The following POLE variants were observed in gnomAD, a reference collection of about 807,000 sequenced individuals.
POLE encodes DNA polymerase epsilon, catalytic subunit, also known as DNA polymerase epsilon catalytic subunit A.
In POLE, 188 loss-of-function variants were observed where a neutral mutation model predicts 279.2. The observed-to-expected ratio is 0.67, with a 90% CI of 0.60 to 0.76. POLE has a LOEUF of 0.76. Ranked by LOEUF, POLE falls within the 30% of genes least tolerant of loss-of-function variation. POLE has a pLI of 0.00. For missense variants in POLE, 2,703 were observed against 3,016.7 expected, an observed-to-expected ratio of 0.90 and a Z score of 2.44; for synonymous variants, 1,214 against 1,172.5, an observed-to-expected ratio of 1.04 and a Z score of -0.72.
chr12:132,638,538 A>T (rs1158266332), intron 40 of POLE: 1 of 168,794 alleles, frequency 5.9e-6, no homozygotes. Context: ...TTATCCCAGC[A>T]GTTGGGTAAT....
At chr12:132,645,902 C>T (rs1372249845) in intron 32 of POLE, among the ~76,000 whole-genome samples, 1 of 152,042 alleles carries the variant, frequency 6.6e-6, no homozygotes, top group Non-Finnish European at 1.5e-5. Flanking sequence ...TATATATTTC[C>T]TGGCTGTTCA....
intron 15 of POLE, 88 bp from the exon 16 acceptor site, chr12:132,672,410 G>C (rs752526737): frequency 1.6e-6 from 2 of 1,224,482 alleles, no homozygotes; most frequent in Non-Finnish European, 2.4e-6. Context: ...GCACGTGGCA[G>C]GTTGTGCCCG....
chr12:132,636,067 C>T (rs1404422747), intron 41 of POLE, 43 bp from the exon 42 acceptor site: 1 of 1,588,988 alleles, frequency 6.3e-7, no homozygotes, highest in South Asian at 1.1e-5. Flanking sequence ...TGAAATCGAC[C>T]TTGTTCTCAA....
intron 14 of POLE, 134 bp from the exon 15 acceptor site, chr12:132,672,973 C>A: frequency 1.2e-6 from 1 of 861,522 alleles, no homozygotes; most frequent in South Asian, 1.6e-5. Context: ...CAAATTCTGC[C>A]TCCTGTGGTT....
chr12:132,625,923 A>G, intron 46 of POLE, 153 bp from the exon 47 acceptor site: 1 of 1,169,956 alleles, frequency 8.5e-7, no homozygotes, highest in Non-Finnish European at 1.2e-6. Context: ...TCCCACCTGC[A>G]CTTGAGCCCT....
In POLE at chr12:132,657,362, G is replaced by C. The variant is rs778212434; in HGVS notation, c.3446C>G (p.Ala1149Gly). ...CCCCGCCCTTACCTGCTGCAGGGCC[G>C]CAGGGATGGTGATGATCTTCTGGAT... Reference protein sequence around the residue: ...SAIQKIITIPAALQQVKNPVP... With the variant: ...SAIQKIITIPGALQQVKNPVP... Residue 1149 changes from alanine (A) to glycine (G), a missense_variant, in exon 28 of 49, where the codon GCG (alanine) becomes GGG (glycine). Ala to Gly is a moderately conservative substitution (Grantham distance 60). Around this residue, in one of 5 missense-constraint regions of POLE, gnomAD observed 1,551 missense variants for 1,686.1 expected, o/e 0.92. Coordinates refer to ENST00000320574, the MANE Select transcript of POLE (RefSeq NM_006231.4). The C allele has an allele frequency of 1.9e-6, 3 of 1,613,902 alleles. No homozygotes were observed. The highest frequency in any genetic ancestry group is 2.5e-6 in the Non-Finnish European group (3 of 1,179,982).
chr12:132,624,433 GC>G lies in POLE; in HGVS notation c.*263del. 1 of 551,658 alleles carries G rather than the reference GC, an allele frequency of 1.8e-6. No homozygotes were observed. The allele number at this position is 551,658 out of a possible 1,614,324, so 34.2% of individuals were successfully genotyped here. A position where few individuals can be genotyped will look rare whatever the true frequency, so the allele number is the denominator to read the frequency against. On this transcript the variant is annotated 3_prime_UTR_variant, in exon 49 of 49. Transcript: ENST00000320574. ...AAGCATTCACTGCGTGAGAAACGGC[GC>G]CCAGGGCACTCGCAGCCTCGCTCAC...
At chr12:132,633,068 G>A (rs1020902364) in intron 43 of POLE, 3 of 293,146 alleles carry the variant, frequency 1.0e-5, no homozygotes, top group Non-Finnish European at 1.9e-5. Context: ...TGGGTAGCGC[G>A]TGAAAGACAG....
At position 132,665,290 on chromosome 12, in the gene POLE, G is replaced by C. The variant is rs776938447; in HGVS notation, c.2468+12C>G. On this transcript the variant is annotated intron_variant, in intron 21 of 48. Coordinates refer to ENST00000320574, the MANE Select transcript of POLE (RefSeq NM_006231.4). ...CCTCCCATAAGCCTCTCCCGGGCCC[G>C]GGCCCACCTACCCCTTGCGCATGAC... The C allele has an allele frequency of 2.5e-6, 4 of 1,609,642 alleles. No individual in the cohort carries two copies. The highest frequency in any genetic ancestry group is 2.5e-6 in the Non-Finnish European group (3 of 1,176,926).
intron 2 of POLE, 69 bp from the exon 3 acceptor site, chr12:132,680,756 C>A: frequency 7.9e-7 from 1 of 1,272,042 alleles, no homozygotes; most frequent in Non-Finnish European, 1.1e-6. Flanking sequence ...TTCCTCCTAC[C>A]TTTCGGGAAA....
At position 132,676,162 on chromosome 12, in the gene POLE, C is replaced by T. The variant is rs775365628; in HGVS notation, c.952G>A (p.Glu318Lys). 1.2e-6 allele frequency: 2 copies of T among 1,613,210 alleles called. No homozygotes were observed. The highest frequency in any genetic ancestry group is 2.2e-5 in the South Asian group (2 of 90,884). ...GGCTTGGGGGTGAACTCAAAATCTT[C>T]AATATCTTCTGAAACAATCTCCCTG... is the stretch of plus-strand genomic sequence containing the variant. The part of the protein sequence containing the change: ...TNREIVSEDI[E>K]DFEFTPKPEY... The change falls in exon 10 of 49, where the codon GAA becomes AAA. Residue 318 changes from glutamate (E) to lysine (K), a missense_variant. Around this residue, in one of 5 missense-constraint regions of POLE, gnomAD observed 1,011 missense variants for 1,111.7 expected, o/e 0.91. Transcript: ENST00000320574.
In POLE at chr12:132,680,220, C is replaced by T. The variant is rs751682804; in HGVS notation, c.288G>A (p.Val96=). 6.2e-7 allele frequency: 1 copy of T among 1,613,972 alleles called. No individual in the cohort carries two copies. Among genetic ancestry groups the T allele is most frequent in the South Asian group, 1.1e-5 (1 of 91,074 alleles). Residue 96 remains valine (V), a splice_region_variant and synonymous_variant, in exon 4 of 49, where the codon GTG becomes GTA. Coordinates refer to ENST00000320574, the MANE Select transcript of POLE (RefSeq NM_006231.4). ...FIQDDGSRFK[V]ALPYKPYFYI... ...AGAAATACGGTTTATAGGGCAAAGC[C>T]ACCTGTTAAGAGTCACCAACCCATC...
intron 40 of POLE, chr12:132,638,912 AG>A: frequency 1.7e-6 from 1 of 574,162 alleles, no homozygotes; most frequent in Non-Finnish European, 3.1e-6. Flanking sequence ...GCAGGAGAGG[AG>A]GTGCCACCTA....
In POLE at chr12:132,642,198, T is replaced by C. The variant is rs374381852; in HGVS notation, c.5152A>G (p.Ser1718Gly). ...FDDQATVEIN[S>G]SGCYSTVCVE... The stretch of plus-strand genomic sequence containing the variant: ...TTACCTGTGGAGTAACAGCCTGAAC[T>C]GTTGATCTCAACAGTGGCTTGGTCA... The change falls in exon 38 of 49, where the codon AGT becomes GGT. Residue 1718 changes from serine (S) to glycine (G), a missense_variant. Around this residue, in one of 5 missense-constraint regions of POLE, gnomAD observed 1,551 missense variants for 1,686.1 expected, o/e 0.92. Transcript: ENST00000320574. The C allele has an allele frequency of 6.3e-6, 10 of 1,590,644 alleles. No individual in the cohort carries two copies. The highest frequency in any genetic ancestry group is 7.7e-6 in the Non-Finnish European group (9 of 1,169,056).
At chr12:132,648,382 T>C (rs1382801724) in intron 32 of POLE, among the ~76,000 whole-genome samples, 1 of 151,750 alleles carries the variant, frequency 6.6e-6, no homozygotes, top group African/African-American at 2.4e-5. Context: ...AGCTAATGCA[T>C]GTGGGGCCTA....
chr12:132,629,316 G>C (rs2041892063), intron 45 of POLE, among the ~76,000 whole-genome samples: 1 of 152,254 alleles, frequency 6.6e-6, no homozygotes, highest in Non-Finnish European at 1.5e-5. Context: ...ACAAGAGTCA[G>C]CCTTTCCTCT....
At chr12:132,626,955 T>C (rs763788069) in intron 45 of POLE, among the ~76,000 whole-genome samples, 2 of 152,366 alleles carry the variant, frequency 1.3e-5, no homozygotes, top group East Asian at 1.9e-4. Flanking sequence ...AAAAGTTACA[T>C]GATTTTTGGC....
At chr12:132,644,231 A>G (rs1330030846) in intron 32 of POLE, among the ~76,000 whole-genome samples, 9 of 151,830 alleles carry the variant, frequency 5.9e-5, no homozygotes, top group Admixed American at 5.9e-4. Flanking sequence ...GTGTGATCAC[A>G]GCTCACTGCA....
intron 32 of POLE, among the ~76,000 whole-genome samples, chr12:132,646,177 A>C (rs186531729): frequency 6.6e-6 from 1 of 152,172 alleles, no homozygotes; most frequent in Non-Finnish European, 1.5e-5. Context: ...ATTGACCACC[A>C]AAGAGTCTAC....
Sources: gnomAD v4.1 joint callset for allele counts (sites outside exome capture counted in the v4.1 genomes callset) on GRCh38, gnomAD v4.1.1 for gene constraint, gnomAD v4.1.1 regional missense constraint, MANE v1.5 for transcripts, NCBI Gene and HGNC (gene_info 2026-07-23, HGNC 2026-07-21) for gene names.